ATRN: variants seen among roughly 807,000 people sequenced by gnomAD.
The protein encoded by ATRN is attractin-2.
Under a neutral mutation model 178.7 loss-of-function variants are expected in ATRN, and 54 were observed. That is an observed-to-expected ratio of 0.30 (90% CI 0.24 to 0.38). The LOEUF is 0.38. Ranked by LOEUF, ATRN falls within the 10% of genes least tolerant of loss-of-function variation. ATRN has a pLI of 1.00. For synonymous variants in ATRN, 636 were observed against 663.0 expected (o/e 0.96, Z 0.63); for missense variants, 1,443 against 1,815.1 (o/e 0.79, Z 3.73).
At chr20:3,592,682 A>G (rs1175441062) in intron 19 of ATRN, among the ~76,000 whole-genome samples, 1 of 152,130 alleles carries the variant, frequency 6.6e-6, no homozygotes, top group African/African-American at 2.4e-5. Context: ...TCAGAATCTG[A>G]TCTGATCCAA....
intron 11 of ATRN, among the ~76,000 whole-genome samples, chr20:3,566,196 T>C (rs1271889526): frequency 6.6e-6 from 1 of 151,996 alleles, no homozygotes; most frequent in Admixed American, 6.5e-5. Context: ...GGTGGAGAGA[T>C]TGTGAAGTTT....
chr20:3,630,135 C>G (rs2086978665), intron 25 of ATRN, among the ~76,000 whole-genome samples: 1 of 152,172 alleles, frequency 6.6e-6, no homozygotes, highest in African/African-American at 2.4e-5. Context: ...CCCCTCTCCC[C>G]ATGAGTCATT....
chr20:3,589,060 G>A (rs2086401201), intron 18 of ATRN, among the ~76,000 whole-genome samples: 1 of 124,024 alleles, frequency 8.1e-6, no homozygotes, highest in South Asian at 2.8e-4. Context: ...TCTGCTTACT[G>A]CAACCTCCGC....
intron 25 of ATRN, among the ~76,000 whole-genome samples, chr20:3,631,620 A>G (rs1485791350): frequency 6.6e-6 from 1 of 152,098 alleles, no homozygotes; most frequent in African/African-American, 2.4e-5. Flanking sequence ...GGTGTTGTCA[A>G]CAGATCTTCA....
chr20:3,484,547 G>A (rs1442934626), intron 1 of ATRN, among the ~76,000 whole-genome samples: 4 of 152,040 alleles, frequency 2.6e-5, no homozygotes, highest in Non-Finnish European at 5.9e-5. Flanking sequence ...TTTTGCCCCT[G>A]CTCCCCGTTT....
At chr20:3,546,858 T>C (rs932383233) in intron 4 of ATRN, among the ~76,000 whole-genome samples, 1 of 152,066 alleles carries the variant, frequency 6.6e-6, no homozygotes, top group Non-Finnish European at 1.5e-5. Context: ...ATGAGGATGG[T>C]AGTTTATTGT....
intron 1 of ATRN, among the ~76,000 whole-genome samples, chr20:3,523,291 C>A (rs945309222): frequency 3.3e-5 from 5 of 151,376 alleles, no homozygotes; most frequent in African/African-American, 1.2e-4. Flanking sequence ...ATAGCCAAAT[C>A]GATCAAGCAG....
intron 1 of ATRN, among the ~76,000 whole-genome samples, chr20:3,471,791 A>G (rs902370285): frequency 1.3e-5 from 2 of 152,130 alleles, no homozygotes; most frequent in Admixed American, 6.5e-5. Context: ...ATGCTGAGGG[A>G]CCCAAAGAGC....
chr20:3,574,288 G>T (rs1202078219), intron 12 of ATRN, among the ~76,000 whole-genome samples: 1 of 152,178 alleles, frequency 6.6e-6, no homozygotes, highest in Non-Finnish European at 1.5e-5. Flanking sequence ...GAGGTATGGG[G>T]ATCACTTGAG....
chr20:3,516,229 C>T lies in ATRN; in HGVS notation c.411-19024C>T, dbSNP rs139630382. Among the ~76,000 whole-genome samples the T allele has an allele frequency of 5.9e-3, 895 of 152,188 alleles. 1 individual carries two copies. Among genetic ancestry groups the T allele is most frequent in the Non-Finnish European group, 8.9e-3 (608 of 68,016 alleles). On this transcript the variant is annotated intron_variant, in intron 1 of 28. Transcript: ENST00000262919. ...ATGAATTATTGATTGACCCACAGTG[C>T]GGAGAGTCTGTATGAGATGTGTGTT...
intron 24 of ATRN, among the ~76,000 whole-genome samples, chr20:3,616,497 G>A (rs962103586): frequency 4.0e-5 from 6 of 151,580 alleles, no homozygotes; most frequent in Admixed American, 3.9e-4. Context: ...GGGGGCGGGG[G>A]AAGGGGGTGT....
intron 25 of ATRN, among the ~76,000 whole-genome samples, chr20:3,628,348 T>C (rs1004051040): frequency 2.0e-5 from 3 of 152,284 alleles, no homozygotes; most frequent in African/African-American, 7.2e-5. Context: ...TTCTTAATGG[T>C]AGAATGTTAG....
chr20:3,579,649 C>T (rs2086256736), intron 15 of ATRN, among the ~76,000 whole-genome samples: 1 of 152,152 alleles, frequency 6.6e-6, no homozygotes, highest in African/African-American at 2.4e-5. Context: ...GGCTTATAGT[C>T]AATATTCCAT....
rs547519747 is a variant in ATRN at position 3,545,895 on chromosome 20, G to C, written c.737+5G>C. 157 of 1,612,966 alleles carry C rather than the reference G, an allele frequency of 9.7e-5. 1 individual carries two copies. The South Asian group carries it at 1.7e-3, about 17-fold the overall frequency. ...TGGATTTAATATTACTTACAGGTAAGATACTTAAGTCTAGTATTTGTGATT... is the reference window on the plus strand; with the variant it reads ...TGGATTTAATATTACTTACAGGTAACATACTTAAGTCTAGTATTTGTGATT... On this transcript the variant is annotated splice_donor_5th_base_variant and intron_variant, in intron 4 of 28. Transcript: ENST00000262919.
chr20:3,484,756 TA>T (rs2084667324), intron 1 of ATRN, among the ~76,000 whole-genome samples: 1 of 127,366 alleles, frequency 7.9e-6, no homozygotes, highest in Non-Finnish European at 1.7e-5. Context: ...AAAGATGCTT[TA>T]TATTTCCAGT....
chr20:3,559,272 G>T, intron 6 of ATRN, 121 bp from the exon 7 acceptor site: 1 of 733,746 alleles, frequency 1.4e-6, no homozygotes. Flanking sequence ...GGTGACAAGT[G>T]CCCCCCTACA....
chr20:3,598,932 T>TTAACAAATGC (rs2086568280), intron 22 of ATRN, among the ~76,000 whole-genome samples: 3 of 152,224 alleles, frequency 2.0e-5, no homozygotes, highest in African/African-American at 4.8e-5. Context: ...TATTGCTTTG[T>TTAACAAATGC]TAACAAATGT....
chr20:3,550,489 C>T (rs1479490842), intron 6 of ATRN, among the ~76,000 whole-genome samples: 1 of 152,066 alleles, frequency 6.6e-6, no homozygotes, highest in Admixed American at 6.6e-5. Context: ...TGCCTTTGTT[C>T]GAGCCCTTTA....
At chr20:3,609,751 TATAAA>T (rs1056979956) in intron 24 of ATRN, among the ~76,000 whole-genome samples, 5 of 148,424 alleles carry the variant, frequency 3.4e-5, no homozygotes, top group Middle Eastern at 3.4e-3. Flanking sequence ...TGTGTGTGTG[TATAAA>T]ATAAAATGTT....
Sources: gnomAD v4.1 joint callset for allele counts (sites outside exome capture counted in the v4.1 genomes callset) on GRCh38, gnomAD v4.1.1 for gene constraint, MANE v1.5 for transcripts, NCBI Gene and HGNC (gene_info 2026-07-23, HGNC 2026-07-21) for gene names.